CC2D2A: variants seen among roughly 807,000 people sequenced by gnomAD.
CC2D2A encodes coiled-coil and C2 domain containing 2A, also known as coiled-coil and C2 domain-containing protein 2A.
In CC2D2A, 155 loss-of-function variants were observed where a neutral mutation model predicts 212.9. That is an observed-to-expected ratio of 0.73 (90% CI 0.64 to 0.83). CC2D2A has a LOEUF of 0.83. Ranked by LOEUF, CC2D2A falls within the 40% of genes least tolerant of loss-of-function variation. The pLI, the probability that CC2D2A is intolerant of heterozygous loss-of-function variation, is 0.00. For missense variants in CC2D2A, 1,856 were observed against 1,956.2 expected (o/e 0.95, Z 0.97); for synonymous variants, 667 against 686.5 (o/e 0.97, Z 0.44).
chr4:15,541,064 T>C, intron 17 of CC2D2A, 50 bp downstream of exon 17: 1 of 1,433,682 alleles, frequency 7.0e-7, no homozygotes, highest in South Asian at 1.5e-5. Context: ...CTCATGCCTG[T>C]ACTTTGGGAG....
intron 16 of CC2D2A, among the ~76,000 whole-genome samples, chr4:15,539,068 A>T (rs1379214052): frequency 6.6e-6 from 1 of 152,216 alleles, no homozygotes; most frequent in Non-Finnish European, 1.5e-5. Flanking sequence ...AAACATTTTT[A>T]ATACCTCACA....
At chr4:15,489,491 G>T (rs546842135) in intron 4 of CC2D2A, among the ~76,000 whole-genome samples, 1 of 152,120 alleles carries the variant, frequency 6.6e-6, no homozygotes, top group African/African-American at 2.4e-5. Context: ...GTACTAATAC[G>T]TATGAATAAA....
chr4:15,532,492 A>G (rs533766563), intron 13 of CC2D2A, among the ~76,000 whole-genome samples: 2 of 152,132 alleles, frequency 1.3e-5, no homozygotes, highest in Non-Finnish European at 2.9e-5. Context: ...CCTGAGCTAA[A>G]CTATAAACTC....
chr4:15,522,153 A>C (rs1717240937), intron 11 of CC2D2A, among the ~76,000 whole-genome samples: 1 of 152,240 alleles, frequency 6.6e-6, no homozygotes, highest in South Asian at 2.1e-4. Flanking sequence ...GTGAGCTATT[A>C]TCACACCACT....
At chr4:15,565,411 T>C (rs1295887432) in intron 24 of CC2D2A, among the ~76,000 whole-genome samples, 1 of 151,724 alleles carries the variant, frequency 6.6e-6, no homozygotes, top group African/African-American at 2.4e-5. Flanking sequence ...TTTTTTTTTT[T>C]TTTGCCTCCC....
intron 15 of CC2D2A, 54 bp downstream of exon 15, chr4:15,537,130 G>A (rs1718175856): frequency 1.2e-5 from 18 of 1,558,932 alleles, no homozygotes; most frequent in Non-Finnish European, 1.5e-5. Flanking sequence ...GTGTCTGGGA[G>A]GGCAGCCTCC....
chr4:15,574,040 G>C, intron 28 of CC2D2A, 110 bp from the exon 29 acceptor site: 1 of 880,364 alleles, frequency 1.1e-6, no homozygotes, highest in African/African-American at 1.7e-5. Context: ...TTGAATGCCA[G>C]TCTGAGCAAT....
At chr4:15,483,732 T>C (rs969038468) in intron 4 of CC2D2A, among the ~76,000 whole-genome samples, 2 of 152,352 alleles carry the variant, frequency 1.3e-5, no homozygotes, top group African/African-American at 2.4e-5. Flanking sequence ...GGTTGTATTT[T>C]CCAGTGTTTT....
Position 15,580,053 on chromosome 4 carries a change from G to T in CC2D2A, c.3857G>T (p.Cys1286Phe). The T allele has an allele frequency of 6.2e-7, 1 of 1,613,890 alleles. No homozygotes were observed. The highest frequency in any genetic ancestry group is 8.5e-7 in the Non-Finnish European group (1 of 1,179,818). ...GCCTTAAAGTTTCCAAATCGTCAGT[G>T]CCTTACAACAGTAATTGATATAAGC... The part of the protein sequence containing the change: ...ECALKFPNRQ[C>F]LTTVIDISGK... The change falls in exon 30 of 37, where the codon TGC (cysteine) becomes TTC (phenylalanine). Residue 1286 changes from cysteine to phenylalanine, a missense_variant. Cys to Phe is a radical substitution (Grantham distance 205). Transcript: ENST00000424120.
At chr4:15,529,838 C>T (rs1280807960) in intron 13 of CC2D2A, among the ~76,000 whole-genome samples, 10 of 142,938 alleles carry the variant, frequency 7.0e-5, no homozygotes, top group Non-Finnish European at 3.1e-5. Flanking sequence ...TAAGGTATAT[C>T]TCTCCATTTA....
chr4:15,505,448 C>T (rs1376655623), intron 6 of CC2D2A, among the ~76,000 whole-genome samples: 1 of 152,148 alleles, frequency 6.6e-6, no homozygotes, highest in Non-Finnish European at 1.5e-5. Context: ...TCTAATTTAC[C>T]TGTTGCCCAG....
At chr4:15,478,194 CA>C (rs891502911) in intron 2 of CC2D2A, among the ~76,000 whole-genome samples, 3 of 151,386 alleles carry the variant, frequency 2.0e-5, no homozygotes, top group East Asian at 1.9e-4. Context: ...TTTTCCTTTT[CA>C]AAAAAAAATC....
At chr4:15,594,447 G>A (rs560127007) in intron 33 of CC2D2A, among the ~76,000 whole-genome samples, 1 of 152,238 alleles carries the variant, frequency 6.6e-6, no homozygotes, top group South Asian at 2.1e-4. Flanking sequence ...GCAAGTTGTG[G>A]TAGCAAGACA....
chr4:15,512,495 T>C (rs1185928424), intron 8 of CC2D2A, among the ~76,000 whole-genome samples: 4 of 152,182 alleles, frequency 2.6e-5, no homozygotes, highest in Admixed American at 6.5e-5. Flanking sequence ...TGAGCTACAT[T>C]GTATCATCAA....
intron 17 of CC2D2A, among the ~76,000 whole-genome samples, chr4:15,547,933 G>C (rs529604109): frequency 1.3e-5 from 2 of 152,082 alleles, no homozygotes; most frequent in East Asian, 1.9e-4. Flanking sequence ...CAGCTACTCA[G>C]GAGGCTGAGG....
chr4:15,601,190 T>TA, intron 36 of CC2D2A, 47 bp from the exon 37 acceptor site: 2 of 1,466,828 alleles, frequency 1.4e-6, no homozygotes, highest in Non-Finnish European at 1.9e-6. Context: ...AAAAATGTAT[T>TA]AAATCTTCAA....
At position 15,540,996 on chromosome 4, in the gene CC2D2A, G is replaced by T. The variant is rs768337150; in HGVS notation, c.2163G>T (p.Pro721=). The T allele has an allele frequency of 9.7e-6, 15 of 1,549,386 alleles. No individual in the cohort carries two copies. Among genetic ancestry groups the T allele is most frequent in the Non-Finnish European group, 1.3e-5 (15 of 1,145,598 alleles). ...QIFNLQIVNW[P]ESLTLQVYET... is the part of the protein sequence containing the mutation. ...TCAATTTGCAAATAGTCAACTGGCC[G>T]GAGAGTTTAACACTTCAGGTACACA... Residue 721 remains proline, a synonymous_variant, in exon 17 of 37, where the codon CCG becomes CCT. Transcript: ENST00000424120.
chr4:15,494,102 T>C (rs893757042), intron 4 of CC2D2A, among the ~76,000 whole-genome samples: 2 of 152,168 alleles, frequency 1.3e-5, no homozygotes, highest in African/African-American at 4.8e-5. Context: ...AAACTCCATG[T>C]CAAAATATAT....
Position 15,551,013 on chromosome 4 carries a change from GT to G in CC2D2A, c.2338+36del. 5 of 1,518,672 alleles carry G rather than the reference GT, an allele frequency of 3.3e-6. No individual in the cohort carries two copies. In the South Asian group the frequency reaches 4.9e-5, roughly 15 times the overall value. 94.1% of individuals were successfully genotyped at this position (1,518,672 alleles called of 1,614,324 possible). A position where few individuals can be genotyped will look rare whatever the true frequency, so the allele number is the denominator to read the frequency against. On this transcript the variant is annotated intron_variant, in intron 18 of 36. Transcript: ENST00000424120. ...AAGCTAATATCTTCAATGGTTCACT[GT>G]TTCATTGTCAGATTTGAATGTGTAT... is the stretch of plus-strand genomic sequence containing the variant.
Sources: gnomAD v4.1 joint callset for allele counts (sites outside exome capture counted in the v4.1 genomes callset) on GRCh38, gnomAD v4.1.1 for gene constraint, MANE v1.5 for transcripts, NCBI Gene and HGNC (gene_info 2026-07-23, HGNC 2026-07-21) for gene names.